STOX2: variants seen among roughly 807,000 people sequenced by gnomAD.
STOX2 encodes the protein storkhead box 2.
A neutral mutation model predicts 60.9 loss-of-function variants in STOX2; 28 were observed. That is an observed-to-expected ratio of 0.46 (90% CI 0.34 to 0.63). The LOEUF (loss-of-function observed/expected upper bound fraction) is 0.63. Among genes scored for constraint, STOX2 ranks in the 30% least tolerant of loss-of-function variants. The pLI is 0.01. For missense variants in STOX2, 1,024 were observed against 1,187.7 expected, an observed-to-expected ratio of 0.86 and a Z score of 2.03; for synonymous variants, 472 against 463.9, an observed-to-expected ratio of 1.02 and a Z score of -0.22.
chr4:183,847,547 A>G (rs1740016074), intron 1 of STOX2, among the ~76,000 whole-genome samples: 1 of 152,316 alleles, frequency 6.6e-6, no homozygotes, highest in African/African-American at 2.4e-5. Flanking sequence ...GTTAAAAGAA[A>G]CACAATTATT....
At chr4:183,814,033 G>A (rs1414841327) in intron 1 of STOX2, among the ~76,000 whole-genome samples, 1 of 152,172 alleles carries the variant, frequency 6.6e-6, no homozygotes, top group East Asian at 1.9e-4. Context: ...CTTAGAGATA[G>A]TCCTAGAAAT....
Position 184,009,538 on chromosome 4 carries a change from G to C in STOX2, c.700G>C (p.Val234Leu). 6.2e-7 allele frequency: 1 copy of C among 1,613,976 alleles called. No individual in the cohort carries two copies. The highest frequency in any genetic ancestry group is 8.5e-7 in the Non-Finnish European group (1 of 1,179,886). Reference sequence around the variant, plus strand: ...TTACTGTCCCCCTTCTCTGTGCCAGGTGCCACCCACTGAAAAGAGCAAAAG... The same window carrying C: ...TTACTGTCCCCCTTCTCTGTGCCAGCTGCCACCCACTGAAAAGAGCAAAAG... Reference protein sequence around the residue: ...DPYCPPSLCQVPPTEKSKSTV... With the variant: ...DPYCPPSLCQLPPTEKSKSTV... Residue 234 changes from valine (V) to leucine (L), a missense_variant, in exon 3 of 4, where the codon GTG becomes CTG. Val to Leu is a conservative substitution (Grantham distance 32). Around this residue, in one of 3 missense-constraint regions of STOX2, gnomAD observed 922 missense variants for 1,058.3 expected, o/e 0.87. Coordinates refer to ENST00000308497, the MANE Select transcript of STOX2 (RefSeq NM_020225.3). This position sits in a 1 kb window ranked among gnomAD's most constrained non-coding sequence, Gnocchi z 4.0.
At chr4:183,805,712 C>G (rs1242086068) in intron 1 of STOX2, among the ~76,000 whole-genome samples, 1 of 152,162 alleles carries the variant, frequency 6.6e-6, no homozygotes, top group Non-Finnish European at 1.5e-5. Flanking sequence ...ACTTGAGAGG[C>G]TGAGGTGGGA....
intron 1 of STOX2, among the ~76,000 whole-genome samples, chr4:183,961,942 C>A (rs1454180243): frequency 6.6e-6 from 1 of 152,218 alleles, no homozygotes; most frequent in East Asian, 1.9e-4. Context: ...TTGGAGAGGC[C>A]TTTGAAGTGG....
chr4:183,959,165 C>T (rs577062988), intron 1 of STOX2, among the ~76,000 whole-genome samples: 1 of 152,052 alleles, frequency 6.6e-6, no homozygotes, highest in African/African-American at 2.4e-5. Flanking sequence ...TTTGATGTCT[C>T]CTATCTCTGC....
At chr4:183,989,915 T>C (rs528638055) in intron 1 of STOX2, among the ~76,000 whole-genome samples, 5 of 152,292 alleles carry the variant, frequency 3.3e-5, no homozygotes, top group South Asian at 4.1e-4. Context: ...TCTGAGAGTG[T>C]TGAATCCCGT....
intron 1 of STOX2, among the ~76,000 whole-genome samples, chr4:183,981,400 C>T: frequency 6.6e-6 from 1 of 151,514 alleles, no homozygotes; most frequent in East Asian, 1.9e-4. Context: ...TTATTCTCTG[C>T]AGTTTAAATA....
intron 1 of STOX2, among the ~76,000 whole-genome samples, chr4:183,886,875 G>A (rs968515851): frequency 2.6e-5 from 4 of 152,052 alleles, no homozygotes; most frequent in Admixed American, 6.6e-5. Context: ...TTCTACACAC[G>A]AAGAATAATG....
chr4:183,902,916 C>T (rs1741493508), upstream of STOX2, among the ~76,000 whole-genome samples: 1 of 152,182 alleles, frequency 6.6e-6, no homozygotes, highest in South Asian at 2.1e-4. Flanking sequence ...TCTGCAAGGT[C>T]TGCATTTGGA....
rs542627818 is a variant in STOX2 at position 184,001,234 on chromosome 4, G to T, written c.167-91G>T. Reference sequence around the variant, plus strand: ...TGTTCGGAGCTGACTGTGTTCGTCAGACCAGGGCCAGATGGACGCGTGAAG... The same window carrying T: ...TGTTCGGAGCTGACTGTGTTCGTCATACCAGGGCCAGATGGACGCGTGAAG... On this transcript the variant is annotated intron_variant, in intron 1 of 3. Coordinates refer to ENST00000308497, the MANE Select transcript of STOX2 (RefSeq NM_020225.3). This position sits in a 1 kb window ranked among gnomAD's most constrained non-coding sequence, Gnocchi z 4.2. 1 of 1,327,424 alleles carries T rather than the reference G, an allele frequency of 7.5e-7. No homozygotes were observed. Among genetic ancestry groups the T allele is most frequent in the South Asian group, 1.3e-5 (1 of 74,856 alleles). The allele number at this position is 1,327,424 out of a possible 1,614,324, so 82.2% of individuals were successfully genotyped here. A position where few individuals can be genotyped will look rare whatever the true frequency, so the allele number is the denominator to read the frequency against.
Position 183,856,680 on chromosome 4 carries a change from G to A in STOX2, c.364+58625G>A, listed in dbSNP as rs1396629913. Among the ~76,000 whole-genome samples, 2 of 152,208 alleles carry A rather than the reference G, an allele frequency of 1.3e-5. No individual in the cohort carries two copies. Among genetic ancestry groups the A allele is most frequent in the Non-Finnish European group, 2.9e-5 (2 of 68,040 alleles). Reference sequence around the variant, plus strand: ...CGGACTCGGACCCCGGGGGATGATAGCTCCCTTGCCCAAGAATAATGGGGT... The same window carrying A: ...CGGACTCGGACCCCGGGGGATGATAACTCCCTTGCCCAAGAATAATGGGGT... On this transcript the variant is annotated intron_variant, in intron 1 of 2. Transcript: ENST00000513034. The surrounding 1 kb of genome is among the most constrained non-coding windows in gnomAD (Gnocchi z 4.0).
At chr4:183,972,535 G>C (rs1409178894) in intron 1 of STOX2, among the ~76,000 whole-genome samples, 3 of 152,182 alleles carry the variant, frequency 2.0e-5, no homozygotes, top group Non-Finnish European at 4.4e-5. Flanking sequence ...ACAGGTCCCA[G>C]GCTGACCACT....
intron 1 of STOX2, among the ~76,000 whole-genome samples, chr4:183,899,202 C>A (rs185712723): frequency 1.3e-5 from 2 of 152,310 alleles, no homozygotes; most frequent in African/African-American, 4.8e-5. Flanking sequence ...AATGACTGGC[C>A]ATTCCCCTCT....
intron 1 of STOX2, among the ~76,000 whole-genome samples, chr4:183,973,126 A>G (rs1014883093): frequency 5.9e-5 from 9 of 152,196 alleles, no homozygotes; most frequent in Non-Finnish European, 8.8e-5. Context: ...AAAATGTCCA[A>G]CATTTGTGTA....
chr4:183,978,118 CT>C (rs1243568815), intron 1 of STOX2, among the ~76,000 whole-genome samples: 1 of 152,098 alleles, frequency 6.6e-6, no homozygotes, highest in Non-Finnish European at 1.5e-5. Context: ...TCCCATTTGT[CT>C]TTTTTTGTTT....
At chr4:183,979,714 A>C (rs891927983) in intron 1 of STOX2, among the ~76,000 whole-genome samples, 2 of 152,180 alleles carry the variant, frequency 1.3e-5, no homozygotes, top group Admixed American at 1.3e-4. Flanking sequence ...TATGACATAA[A>C]CTTTTTCTGC....
chr4:183,999,217 C>G (rs1553986431), intron 1 of STOX2, among the ~76,000 whole-genome samples: 1 of 152,156 alleles, frequency 6.6e-6, no homozygotes, highest in Non-Finnish European at 1.5e-5. Context: ...TTCTATCATT[C>G]TGTCATTTTT....
At chr4:183,834,799 G>A (rs550751546) in intron 1 of STOX2, among the ~76,000 whole-genome samples, 1 of 152,274 alleles carries the variant, frequency 6.6e-6, no homozygotes, top group Non-Finnish European at 1.5e-5. Flanking sequence ...CACTTACTCT[G>A]TGTCAGGTAC....
chr4:183,871,986 G>T (rs1020664281), intron 1 of STOX2, among the ~76,000 whole-genome samples: 3 of 152,072 alleles, frequency 2.0e-5, no homozygotes, highest in Non-Finnish European at 4.4e-5. Flanking sequence ...AATATGAAGT[G>T]CTGCAGGTAT....
Sources: allele counts gnomAD v4.1 joint callset (sites outside exome capture counted in the v4.1 genomes callset), GRCh38; gene constraint gnomAD v4.1.1; regional missense constraint gnomAD v4.1.1; non-coding constraint Gnocchi (gnomAD v3.1); transcripts MANE v1.5; gene names NCBI Gene and HGNC (gene_info 2026-07-23, HGNC 2026-07-21).